Variants in SP2 observed in about 807,000 individuals in gnomAD.
SP2 encodes transcription factor Sp2.
SP2 carries 9 observed loss-of-function variants against 50.1 expected under a neutral mutation model. The ratio of observed to expected loss-of-function variants is 0.18; its 90% CI spans 0.11 to 0.31. SP2 has a LOEUF of 0.31. SP2 is among the 10% of genes least tolerant of loss of function. SP2 has a pLI of 1.00. For synonymous variants in SP2, 313 were observed against 326.6 expected, an observed-to-expected ratio of 0.96 and a Z score of 0.45; for missense variants, 581 against 806.5, an observed-to-expected ratio of 0.72 and a Z score of 3.39.
chr17:47,915,925 C>A (rs2035183211), intron 2 of SP2, among the ~76,000 whole-genome samples: 1 of 152,114 alleles, frequency 6.6e-6, no homozygotes, highest in Admixed American at 6.5e-5. Context: ...GGGGTGCTGC[C>A]AGGGGTTCCT....
chr17:47,902,965 A>G (rs2034602918), intron 1 of SP2, among the ~76,000 whole-genome samples: 1 of 152,196 alleles, frequency 6.6e-6, no homozygotes, highest in Non-Finnish European at 1.5e-5. Context: ...CATGTTGGCC[A>G]GGCTGGTCTC....
At position 47,916,332 on chromosome 17, in the gene SP2, G is replaced by C. The variant is rs769726609; in HGVS notation, c.261G>C (p.Leu87Phe). 1.9e-5 allele frequency: 30 copies of C among 1,613,928 alleles called. No homozygotes were observed. The highest frequency in any genetic ancestry group is 2.1e-5 in the Non-Finnish European group (25 of 1,180,024). The change falls in exon 3 of 7, where the codon TTG becomes TTC. Residue 87 changes from leucine to phenylalanine, a missense_variant. By Grantham distance (22) the Leu-to-Phe change is conservative. Coordinates refer to ENST00000376741, the MANE Select transcript of SP2 (RefSeq NM_003110.6). The surrounding 1 kb of genome is among the most constrained non-coding windows in gnomAD (Gnocchi z 4.7). ...CCGGCAAGAATAGCTTTGGAATCTT[G>C]TCCTCCAAAGGAAATATACTTCAGA... ...LSPGKNSFGI[L>F]SSKGNILQIQ...
chr17:47,911,144 T>C (rs956644520), intron 1 of SP2, among the ~76,000 whole-genome samples: 2 of 151,854 alleles, frequency 1.3e-5, no homozygotes, highest in African/African-American at 2.4e-5. Flanking sequence ...GAGGATCACA[T>C]GAGCCCAGGA....
intron 1 of SP2, among the ~76,000 whole-genome samples, chr17:47,910,031 G>A (rs944291219): frequency 4.6e-5 from 7 of 152,000 alleles, no homozygotes; most frequent in Non-Finnish European, 8.8e-5. Flanking sequence ...TGTATTTTTA[G>A]TAGAGACAGG....
intron 1 of SP2, among the ~76,000 whole-genome samples, chr17:47,911,396 T>G (rs1353082581): frequency 6.6e-6 from 1 of 150,426 alleles, no homozygotes; most frequent in African/African-American, 2.5e-5. Flanking sequence ...ACAAAAAAAA[T>G]TAGCCGGATG....
rs559891223 is a variant in SP2 at position 47,911,591 on chromosome 17, G to A, written c.8-3721G>A. On this transcript the variant is annotated intron_variant, in intron 1 of 6. Coordinates refer to ENST00000376741, the MANE Select transcript of SP2 (RefSeq NM_003110.6). ...TGGGAGGCCAAGGCAGGCGGATCAC[G>A]AGGTCAGGAGCTCGAGACCATTCTG... 9.0e-4 allele frequency among the ~76,000 whole-genome samples: 137 copies of A among 151,982 alleles called. 1 individual carries two copies. The highest frequency in any genetic ancestry group is 1.5e-3 in the Non-Finnish European group (105 of 67,966).
intron 3 of SP2, 65 bp from the exon 4 acceptor site, chr17:47,922,897 C>T: frequency 6.9e-7 from 1 of 1,444,502 alleles, no homozygotes; most frequent in Non-Finnish European, 9.5e-7. Flanking sequence ...TGGGCAGGGA[C>T]ATTTGAAGGC....
intron 1 of SP2, among the ~76,000 whole-genome samples, chr17:47,914,062 A>G (rs1233025999): frequency 1.3e-5 from 2 of 152,172 alleles, no homozygotes; most frequent in Non-Finnish European, 2.9e-5. Flanking sequence ...GTAAAAGCGT[A>G]AATTCAAGTA....
rs952528842 is a variant in SP2, at chr17:47,917,060, C to G, written c.989C>G (p.Thr330Ser). ...ALRVVQAASATLPTVPQKPSQ... is the reference protein window; with the variant it reads ...ALRVVQAASASLPTVPQKPSQ... ...CGGGTGGTGCAGGCGGCATCTGCCA[C>G]CCTCCCCACTGTACCCCAGAAGCCC... is the stretch of plus-strand genomic sequence containing the variant. The change falls in exon 3 of 7, where the codon ACC becomes AGC. Residue 330 changes from threonine (T) to serine (S), a missense_variant. This residue lies in a region of SP2 where 397 missense variants were observed against 491.0 expected (regional missense o/e 0.81). Coordinates refer to ENST00000376741, the MANE Select transcript of SP2 (RefSeq NM_003110.6). The G allele has an allele frequency of 1.2e-6, 2 of 1,613,870 alleles. No individual in the cohort carries two copies. Among genetic ancestry groups the G allele is most frequent in the Admixed American group, 3.3e-5 (2 of 60,022 alleles).
rs1303619011 is a variant in SP2 at position 47,924,909 on chromosome 17, G to T, written c.1373-10G>T. 7.6e-6 allele frequency: 12 copies of T among 1,575,932 alleles called. No individual in the cohort carries two copies. The highest frequency in any genetic ancestry group is 1.0e-5 in the Non-Finnish European group (12 of 1,155,138). On this transcript the variant is annotated splice_polypyrimidine_tract_variant and intron_variant, in intron 4 of 6. Coordinates refer to ENST00000376741, the MANE Select transcript of SP2 (RefSeq NM_003110.6). ...CTCACCCTGAACTCTGCCCCTCTTTGTCCCCACAGGGCAGCAGCAGCTGAC... is the reference window on the plus strand; with the variant it reads ...CTCACCCTGAACTCTGCCCCTCTTTTTCCCCACAGGGCAGCAGCAGCTGAC...
chr17:47,906,440 G>A (rs2034765132), intron 1 of SP2, among the ~76,000 whole-genome samples: 1 of 152,200 alleles, frequency 6.6e-6, no homozygotes, highest in Non-Finnish European at 1.5e-5. Context: ...CCACCCTGGG[G>A]AGCCCTCGCA....
rs72840238 is a variant in SP2 at position 47,920,980 on chromosome 17, G to C, written c.1060-1982G>C. 3.5e-3 allele frequency among the ~76,000 whole-genome samples: 535 copies of C among 152,116 alleles called. 2 individuals carry two copies. The highest frequency in any genetic ancestry group is 6.6e-3 in the Non-Finnish European group (447 of 67,986). On this transcript the variant is annotated intron_variant, in intron 3 of 6. Transcript: ENST00000376741. ...CTCTCTGCAGCCCCTGACAACTACT[G>C]GTCTATTTGTAATGTTTTCAAGGTT...
chr17:47,917,625 GT>G (rs11287341), intron 3 of SP2, among the ~76,000 whole-genome samples: 130,754 of 141,118 alleles, frequency 0.93, 61,121 homozygotes, highest in East Asian at 0.99. Flanking sequence ...GTTTTAGGGT[GT>G]TTTTTTTTTT....
chr17:47,927,923 C>G lies in SP2; in HGVS notation c.*99C>G, dbSNP rs2035714347. On this transcript the variant is annotated 3_prime_UTR_variant, in exon 7 of 7. Coordinates refer to ENST00000376741, the MANE Select transcript of SP2 (RefSeq NM_003110.6). ...GCCCTGTGGCTGCCTTGGGCCTGCC[C>G]TCAGCCCCACTCCTGTTCTGCAACT... 2 of 713,326 alleles carry G rather than the reference C, an allele frequency of 2.8e-6. No individual in the cohort carries two copies. Among genetic ancestry groups the G allele is most frequent in the Admixed American group, 2.1e-5 (1 of 47,252 alleles). The allele number at this position is 713,326 out of a possible 1,614,324, so 44.2% of individuals were successfully genotyped here. A position where few individuals can be genotyped will look rare whatever the true frequency, so the allele number is the denominator to read the frequency against.
intron 1 of SP2, among the ~76,000 whole-genome samples, chr17:47,910,161 C>T (rs1598124143): frequency 6.6e-6 from 1 of 152,162 alleles, no homozygotes; most frequent in Non-Finnish European, 1.5e-5. Flanking sequence ...TTTTACTTGT[C>T]GTCTAGATCT....
At position 47,923,020 on chromosome 17, in the gene SP2, C is replaced by A; in HGVS notation, c.1118C>A (p.Pro373Gln). The change falls in exon 4 of 7, where the codon CCA becomes CAA. Residue 373 changes from proline to glutamine, a missense_variant. Physicochemically the swap from Pro to Gln is moderately conservative, Grantham distance 76. Transcript: ENST00000376741. Reference protein sequence around the residue: ...VQTVLVQDSPPATAAATSNTT... With the variant: ...VQTVLVQDSPQATAAATSNTT... Reference sequence around the variant, plus strand: ...ACAGTCCTTGTCCAGGACAGCCCCCCAGCAACAGCTGCAGCCACCTCTAAC... The same window carrying A: ...ACAGTCCTTGTCCAGGACAGCCCCCAAGCAACAGCTGCAGCCACCTCTAAC... The A allele has an allele frequency of 6.2e-7, 1 of 1,614,202 alleles. No individual in the cohort carries two copies. The highest frequency in any genetic ancestry group is 1.7e-5 in the Admixed American group (1 of 60,030).
chr17:47,922,552 T>G (rs1224070712), intron 3 of SP2, among the ~76,000 whole-genome samples: 1 of 151,518 alleles, frequency 6.6e-6, no homozygotes, highest in African/African-American at 2.4e-5. Flanking sequence ...AGCGTATTGC[T>G]CTGTCACCCA....
Position 47,916,873 on chromosome 17 carries a change from G to A in SP2, c.802G>A (p.Val268Met). ...GGCTGTGGCTGAGCAGGTGGAGACGGTGCTGATCGAGACCACCGCGGACAA... is the reference window on the plus strand; with the variant it reads ...GGCTGTGGCTGAGCAGGTGGAGACGATGCTGATCGAGACCACCGCGGACAA... ...PVAVAEQVET[V>M]LIETTADNII... Residue 268 changes from valine to methionine, a missense_variant, in exon 3 of 7, where the codon GTG (valine) becomes ATG (methionine). Val to Met is a conservative substitution (Grantham distance 21). Around this residue, in one of 2 missense-constraint regions of SP2, gnomAD observed 397 missense variants for 491.0 expected, o/e 0.81. Coordinates refer to ENST00000376741, the MANE Select transcript of SP2 (RefSeq NM_003110.6). The surrounding 1 kb of genome is among the most constrained non-coding windows in gnomAD (Gnocchi z 4.7). 6.2e-7 allele frequency: 1 copy of A among 1,614,168 alleles called. No homozygotes were observed. Among genetic ancestry groups the A allele is most frequent in the Non-Finnish European group, 8.5e-7 (1 of 1,180,018 alleles).
At chr17:47,902,657 G>A (rs1015936901) in intron 1 of SP2, among the ~76,000 whole-genome samples, 1 of 152,220 alleles carries the variant, frequency 6.6e-6, no homozygotes, top group African/African-American at 2.4e-5. Flanking sequence ...CTGGAAAGAT[G>A]AAGTTACTAT....
Sources: gnomAD v4.1 joint callset for allele counts (sites outside exome capture counted in the v4.1 genomes callset) on GRCh38, gnomAD v4.1.1 for gene constraint, gnomAD v4.1.1 regional missense constraint, Gnocchi (gnomAD v3.1) non-coding constraint, MANE v1.5 for transcripts, NCBI Gene and HGNC (gene_info 2026-07-23, HGNC 2026-07-21) for gene names.